Variants in HCN1 observed in about 807,000 individuals in gnomAD.
The protein encoded by HCN1 is hyperpolarization activated cyclic nucleotide gated potassium channel 1.
In HCN1, 13 loss-of-function variants were observed where a neutral mutation model predicts 78.9. That is an observed-to-expected ratio of 0.16 (90% CI 0.11 to 0.26). The LOEUF is 0.26. HCN1 is among the 10% of genes least tolerant of loss of function. HCN1 has a pLI of 1.00. For synonymous variants in HCN1, 552 were observed against 455.5 expected (o/e 1.21, Z -2.70); for missense variants, 810 against 1,154.3 (o/e 0.70, Z 4.32).
At chr5:45,511,466 A>C (rs571804520) in intron 2 of HCN1, among the ~76,000 whole-genome samples, 1 of 152,178 alleles carries the variant, frequency 6.6e-6, no homozygotes, top group East Asian at 1.9e-4. Flanking sequence ...CAGCCAGATG[A>C]TGAAGGTTAA....
chr5:45,592,569 GA>G lies in HCN1; in HGVS notation c.849+52615del, dbSNP rs377183431. Among the ~76,000 whole-genome samples the G allele has an allele frequency of 3.2e-4, 48 of 152,184 alleles. No individual in the cohort carries two copies. In the East Asian group the frequency reaches 8.7e-3, roughly 28 times the overall value. On this transcript the variant is annotated intron_variant, in intron 2 of 7. Coordinates refer to ENST00000303230, the MANE Select transcript of HCN1 (RefSeq NM_021072.4). ...TTTCATTATATCATATGTTCTAAAT[GA>G]AAAATATTAGGTTTGCTTAAGAATC...
chr5:45,521,815 C>G (rs1445131934), intron 2 of HCN1, among the ~76,000 whole-genome samples: 1 of 151,940 alleles, frequency 6.6e-6, no homozygotes, highest in Non-Finnish European at 1.5e-5. Flanking sequence ...AGCAAAGATA[C>G]AGCTCCACAG....
chr5:45,427,460 C>G (rs1448371587), intron 3 of HCN1, among the ~76,000 whole-genome samples: 2 of 151,970 alleles, frequency 1.3e-5, no homozygotes, highest in Non-Finnish European at 2.9e-5. Flanking sequence ...AAATCTTTGC[C>G]TCTTTCTAAA....
intron 3 of HCN1, among the ~76,000 whole-genome samples, chr5:45,431,349 A>G (rs1740459806): frequency 6.6e-6 from 1 of 152,032 alleles, no homozygotes; most frequent in Admixed American, 6.6e-5. Flanking sequence ...ACTTTGATGC[A>G]TAGTTTGTAA....
intron 2 of HCN1, among the ~76,000 whole-genome samples, chr5:45,634,005 A>G (rs1423033870): frequency 1.3e-5 from 2 of 152,026 alleles, no homozygotes; most frequent in African/African-American, 4.8e-5. Context: ...TAAGTTCCCA[A>G]TAACACTTAG....
At chr5:45,549,344 A>T (rs1239724293) in intron 2 of HCN1, among the ~76,000 whole-genome samples, 1 of 151,902 alleles carries the variant, frequency 6.6e-6, no homozygotes, top group Non-Finnish European at 1.5e-5. Context: ...ATAATGCCAC[A>T]CATCTACAAA....
intron 3 of HCN1, among the ~76,000 whole-genome samples, chr5:45,422,839 C>T (rs571049819): frequency 6.6e-6 from 1 of 152,142 alleles, no homozygotes; most frequent in South Asian, 2.1e-4. Flanking sequence ...AATGATCAAC[C>T]TCATGAAAAT....
At chr5:45,603,024 A>T (rs1744654564) in intron 2 of HCN1, among the ~76,000 whole-genome samples, 1 of 152,140 alleles carries the variant, frequency 6.6e-6, no homozygotes, top group South Asian at 2.1e-4. Context: ...ATGAAATTTT[A>T]AAAACATGGT....
intron 2 of HCN1, among the ~76,000 whole-genome samples, chr5:45,613,013 T>TA (rs1260172030): frequency 2.0e-5 from 3 of 152,182 alleles, no homozygotes; most frequent in African/African-American, 7.2e-5. Context: ...TTCTTTTTTT[T>TA]ATTATTATAC....
At chr5:45,690,961 A>G (rs1279460681) in intron 1 of HCN1, among the ~76,000 whole-genome samples, 2 of 152,118 alleles carry the variant, frequency 1.3e-5, no homozygotes, top group Admixed American at 6.5e-5. Context: ...ATTCAGAATG[A>G]TAAGATTATC....
At chr5:45,603,806 A>G (rs1744672582) in intron 2 of HCN1, among the ~76,000 whole-genome samples, 1 of 152,128 alleles carries the variant, frequency 6.6e-6, no homozygotes, top group African/African-American at 2.4e-5. Context: ...TTGTATGATA[A>G]AATTTCCATA....
intron 2 of HCN1, among the ~76,000 whole-genome samples, chr5:45,467,595 A>T (rs890736666): frequency 1.3e-5 from 2 of 151,930 alleles, no homozygotes; most frequent in African/African-American, 4.8e-5. Flanking sequence ...GTACTACTTA[A>T]TTTTTTTTAA....
chr5:45,592,370 C>T (rs1284420998), intron 2 of HCN1, among the ~76,000 whole-genome samples: 2 of 151,980 alleles, frequency 1.3e-5, no homozygotes, highest in African/African-American at 4.8e-5. Context: ...CCATGGAACA[C>T]TAATAGGGAG....
intron 2 of HCN1, among the ~76,000 whole-genome samples, chr5:45,560,917 GAAAT>G (rs1255417839): frequency 6.6e-6 from 1 of 151,968 alleles, no homozygotes; most frequent in East Asian, 1.9e-4. Context: ...TTTAACTGAG[GAAAT>G]AAAACCTCTT....
At chr5:45,572,628 T>C (rs1470390421) in intron 2 of HCN1, among the ~76,000 whole-genome samples, 2 of 152,194 alleles carry the variant, frequency 1.3e-5, no homozygotes, top group Non-Finnish European at 2.9e-5. Context: ...TGGGGAAATA[T>C]GTTTCTTCTC....
In HCN1 at chr5:45,587,968, G is replaced by A. The variant is rs531790765; in HGVS notation, c.849+57217C>T. ...TATATGAGAATGCAGATAAAAGATG[G>A]CAGTCTACAACCCAGAAAAGGGCCC... is the stretch of plus-strand genomic sequence containing the variant. On this transcript the variant is annotated intron_variant, in intron 2 of 7. Transcript: ENST00000303230. Among the ~76,000 whole-genome samples the A allele has an allele frequency of 2.6e-5, 4 of 152,094 alleles. No homozygotes were observed. The East Asian group carries it at 7.8e-4, about 29-fold the overall frequency.
intron 2 of HCN1, among the ~76,000 whole-genome samples, chr5:45,539,855 C>T (rs1404191145): frequency 7.0e-6 from 1 of 143,272 alleles, no homozygotes; most frequent in African/African-American, 2.6e-5. Context: ...TCTAGGCAAA[C>T]TAAATGTATA....
chr5:45,456,321 G>C (rs2111612230), intron 3 of HCN1, among the ~76,000 whole-genome samples: 1 of 151,968 alleles, frequency 6.6e-6, no homozygotes, highest in East Asian at 1.9e-4. Context: ...ATAGATAACT[G>C]AATAATTAGT....
At chr5:45,331,391 T>C (rs760824232) in intron 5 of HCN1, among the ~76,000 whole-genome samples, 2 of 151,308 alleles carry the variant, frequency 1.3e-5, no homozygotes, top group African/African-American at 2.4e-5. Context: ...TTTCCCTAAT[T>C]TACAATTATA....
Sources: gnomAD v4.1 joint callset for allele counts (sites outside exome capture counted in the v4.1 genomes callset) on GRCh38, gnomAD v4.1.1 for gene constraint, MANE v1.5 for transcripts, NCBI Gene and HGNC (gene_info 2026-07-23, HGNC 2026-07-21) for gene names.